The following PCDH15 variants were observed in gnomAD, a reference collection of about 807,000 sequenced individuals.
PCDH15 encodes the protein protocadherin related 15.
In PCDH15, 129 loss-of-function variants were observed where a neutral mutation model predicts 178.5. The observed-to-expected ratio is 0.72, with a 90% CI of 0.63 to 0.84. The LOEUF (loss-of-function observed/expected upper bound fraction) is 0.84. Among genes scored for constraint, PCDH15 ranks in the 40% least tolerant of loss-of-function variants. PCDH15 has a pLI of 0.00. For missense variants in PCDH15, 2,230 were observed against 2,099.9 expected (o/e 1.06, Z -1.21); for synonymous variants, 800 against 732.0 (o/e 1.09, Z -1.50).
chr10:53,830,868 G>C (rs1014801935), intron 30 of PCDH15, among the ~76,000 whole-genome samples: 3 of 152,188 alleles, frequency 2.0e-5, no homozygotes, highest in African/African-American at 7.2e-5. Context: ...GTGATCATTT[G>C]CACAAAGGCA....
intron 13 of PCDH15, among the ~76,000 whole-genome samples, chr10:54,175,302 G>A (rs924364832): frequency 2.0e-5 from 3 of 152,046 alleles, no homozygotes; most frequent in Non-Finnish European, 4.4e-5. Context: ...ATTAAAATAC[G>A]ATGTAGTTTT....
At chr10:55,468,139 G>A (rs1239657453) in intron 2 of PCDH15, among the ~76,000 whole-genome samples, 1 of 151,962 alleles carries the variant, frequency 6.6e-6, no homozygotes, top group African/African-American at 2.4e-5. Context: ...AGAGCAGGGG[G>A]GAAAAGTTAG....
intron 14 of PCDH15, among the ~76,000 whole-genome samples, chr10:54,152,656 T>C (rs752472062): frequency 6.6e-6 from 1 of 151,962 alleles, no homozygotes; most frequent in Non-Finnish European, 1.5e-5. Context: ...AAAGATGCAA[T>C]TGTAATAGCA....
At chr10:53,881,181 T>C (rs2133342335) in intron 26 of PCDH15, among the ~76,000 whole-genome samples, 1 of 152,320 alleles carries the variant, frequency 6.6e-6, no homozygotes. Flanking sequence ...GCAGCTATAC[T>C]ACCTAAAATT....
At chr10:54,116,426 G>A (rs1313208044) in intron 15 of PCDH15, among the ~76,000 whole-genome samples, 2 of 152,150 alleles carry the variant, frequency 1.3e-5, no homozygotes, top group Non-Finnish European at 2.9e-5. Context: ...AGGTTTACGG[G>A]ACCAAGAGAA....
intron 2 of PCDH15, among the ~76,000 whole-genome samples, chr10:54,914,915 C>A (rs529759165): frequency 6.6e-6 from 1 of 152,298 alleles, no homozygotes; most frequent in East Asian, 1.9e-4. Context: ...ACATGCCATT[C>A]TCATGGCAGA....
At chr10:54,238,129 G>A (rs2054819539) in intron 8 of PCDH15, among the ~76,000 whole-genome samples, 1 of 152,044 alleles carries the variant, frequency 6.6e-6, no homozygotes, top group South Asian at 2.1e-4. Context: ...TGAGGGCTGT[G>A]AAACTTAAAC....
At position 55,022,880 on chromosome 10, in the gene PCDH15, G is replaced by T. The variant is rs1253684396; in HGVS notation, c.-79-125380C>A. 2.1e-5 allele frequency among the ~76,000 whole-genome samples: 3 copies of T among 142,866 alleles called. No homozygotes were observed. In the Admixed American group the frequency reaches 2.1e-4, roughly 10 times the overall value. The allele number at this position is 142,866 out of a possible 152,430, so 93.7% of individuals were successfully genotyped here. A position where few individuals can be genotyped will look rare whatever the true frequency, so the allele number is the denominator to read the frequency against. ...CGCCCGCCACCATGACTGGCTAAAT[G>T]AATTTTATTTTTCAAGGCTCAGAAA... On this transcript the variant is annotated intron_variant, in intron 2 of 5. Transcript: ENST00000458638.
chr10:54,292,607 A>G (rs925462169), intron 8 of PCDH15, among the ~76,000 whole-genome samples: 9 of 152,240 alleles, frequency 5.9e-5, no homozygotes, highest in African/African-American at 2.2e-4. Flanking sequence ...TTAATCTGAT[A>G]GGCAAATTCA....
intron 23 of PCDH15, among the ~76,000 whole-genome samples, chr10:53,954,212 T>C (rs1564849394): frequency 6.6e-6 from 1 of 152,208 alleles, no homozygotes; most frequent in Non-Finnish European, 1.5e-5. Flanking sequence ...ACTAATTATC[T>C]GTCATCAAAA....
chr10:54,368,522 T>C (rs567022060), intron 5 of PCDH15, among the ~76,000 whole-genome samples: 56 of 152,164 alleles, frequency 3.7e-4, no homozygotes, highest in South Asian at 2.5e-3. Flanking sequence ...TCTTCACTTA[T>C]GCACTTTAGC....
At chr10:54,856,052 T>C (rs1953735780) in intron 3 of PCDH15, among the ~76,000 whole-genome samples, 1 of 152,192 alleles carries the variant, frequency 6.6e-6, no homozygotes, top group South Asian at 2.1e-4. Context: ...ATTGCGATAG[T>C]TAAGATTCAT....
chr10:55,119,990 TA>T, intron 2 of PCDH15, among the ~76,000 whole-genome samples: 1 of 152,024 alleles, frequency 6.6e-6, no homozygotes. Context: ...TTTTTTTTTT[TA>T]ATTGCTCTGA....
Position 54,718,437 on chromosome 10 carries a change from C to A in PCDH15, c.-28-54147G>T, listed in dbSNP as rs995541427. 2.0e-5 allele frequency among the ~76,000 whole-genome samples: 3 copies of A among 151,954 alleles called. No homozygotes were observed. The South Asian group carries it at 6.2e-4, about 31-fold the overall frequency. On this transcript the variant is annotated intron_variant, in intron 1 of 37. Transcript: ENST00000644397. ...AATAACATTCAGGAAAGCCATCATA[C>A]AAAGGCTATATGTAACCAAAGAACT... is the stretch of plus-strand genomic sequence containing the variant.
At position 54,212,083 on chromosome 10, in the gene PCDH15, G is replaced by A. The variant is rs79226327; in HGVS notation, c.1098+1853C>T. Among the ~76,000 whole-genome samples the A allele has an allele frequency of 5.7e-3, 871 of 152,020 alleles. 10 individuals carry two copies. Among genetic ancestry groups the A allele is most frequent in the African/African-American group, 0.02 (824 of 41,482 alleles). On this transcript the variant is annotated intron_variant, in intron 10 of 37. Coordinates refer to ENST00000644397, the MANE Select transcript of PCDH15 (RefSeq NM_001384140.1). ...CAGGTACACCAGGACAGCTGAATTC[G>A]ATAATAAAGGAAAATAATTGATTTT...
chr10:55,066,017 T>C (rs1175764253), intron 2 of PCDH15, among the ~76,000 whole-genome samples: 1 of 152,018 alleles, frequency 6.6e-6, no homozygotes, highest in Non-Finnish European at 1.5e-5. Context: ...GTATTTTCCA[T>C]AATTTATTAA....
intron 2 of PCDH15, among the ~76,000 whole-genome samples, chr10:55,537,936 A>G (rs1278808026): frequency 6.6e-6 from 1 of 152,218 alleles, no homozygotes; most frequent in African/African-American, 2.4e-5. Context: ...AGCTTTAAAT[A>G]TAATTTAAGA....
chr10:54,547,388 A>G (rs1226193852), intron 2 of PCDH15, among the ~76,000 whole-genome samples: 1 of 152,160 alleles, frequency 6.6e-6, no homozygotes, highest in Non-Finnish European at 1.5e-5. Flanking sequence ...ATATTTGTAG[A>G]GCTTAAAAAT....
chr10:53,984,148 C>CTTTTTTTTTTTTTTTTTTTTTT (rs66540462), intron 21 of PCDH15, among the ~76,000 whole-genome samples: 1 of 63,560 alleles, frequency 1.6e-5, no homozygotes, highest in East Asian at 4.2e-4. Context: ...TTTTTCTTTT[C>CTTTTTTTTTTTTTTTTTTTTTT]TTTTTTTTTT....
Sources: allele counts gnomAD v4.1 joint callset (sites outside exome capture counted in the v4.1 genomes callset), GRCh38; gene constraint gnomAD v4.1.1; transcripts MANE v1.5; gene names NCBI Gene and HGNC (gene_info 2026-07-23, HGNC 2026-07-21).